The following FAM185A variants were observed in gnomAD, a reference collection of about 807,000 sequenced individuals.
FAM185A encodes the protein protein FAM185A.
Under a neutral mutation model 45.7 loss-of-function variants are expected in FAM185A, and 21 were observed. That is an observed-to-expected ratio of 0.46 (90% confidence interval 0.33 to 0.66). The LOEUF is 0.66. Among genes scored for constraint, FAM185A ranks in the 30% least tolerant of loss-of-function variants. FAM185A has a pLI of 0.03. For synonymous variants in FAM185A, 117 were observed against 194.0 expected, an observed-to-expected ratio of 0.60 and a Z score of 3.30; for missense variants, 305 against 485.4, an observed-to-expected ratio of 0.63 and a Z score of 3.49.
At chr7:102,833,770 T>G in the FAM185A span, among the ~76,000 whole-genome samples, 1 of 151,944 alleles carries the variant, frequency 6.6e-6, no homozygotes, top group African/African-American at 2.4e-5. Flanking sequence ...TAGCATTGTT[T>G]TGAAATGCTG....
chr7:102,751,088 G>GT (rs1479310681), intron 1 of FAM185A, among the ~76,000 whole-genome samples: 2 of 152,032 alleles, frequency 1.3e-5, no homozygotes, highest in Non-Finnish European at 2.9e-5. Flanking sequence ...TAATGTTTTT[G>GT]TTTTTTTGTA....
intron 7 of FAM185A, among the ~76,000 whole-genome samples, chr7:102,788,346 G>A (rs1215481502): frequency 6.6e-6 from 1 of 152,124 alleles, no homozygotes; most frequent in African/African-American, 2.4e-5. Flanking sequence ...TGGCATCAAG[G>A]AGGACATTGC....
At chr7:102,842,460 A>G in the FAM185A span, among the ~76,000 whole-genome samples, 3 of 152,266 alleles carry the variant, frequency 2.0e-5, no homozygotes, top group Non-Finnish European at 4.4e-5. Context: ...ACTTTGGTTG[A>G]GCACCAGGGG....
intron 2 of FAM185A, among the ~76,000 whole-genome samples, chr7:102,757,414 C>T (rs1332773134): frequency 1.3e-5 from 2 of 152,126 alleles, no homozygotes; most frequent in African/African-American, 2.4e-5. Flanking sequence ...TCTGGTTTGT[C>T]GTGAGGATTA....
chr7:102,811,601 G>C (rs1797441028), downstream of FAM185A, among the ~76,000 whole-genome samples: 1 of 152,178 alleles, frequency 6.6e-6, no homozygotes. Context: ...GAACATAACA[G>C]GGTGTGTTTC....
At chr7:102,763,088 A>C (rs1794201306) in intron 4 of FAM185A, among the ~76,000 whole-genome samples, 1 of 144,676 alleles carries the variant, frequency 6.9e-6, no homozygotes, top group Non-Finnish European at 1.5e-5. Flanking sequence ...GTTTACACTA[A>C]ATTCATAATG....
At chr7:102,790,140 A>G (rs1406727918) in intron 7 of FAM185A, among the ~76,000 whole-genome samples, 1 of 152,206 alleles carries the variant, frequency 6.6e-6, no homozygotes, top group Non-Finnish European at 1.5e-5. Flanking sequence ...TAGTAAATAC[A>G]TAAATCAGTA....
At chr7:102,821,646 G>A in the FAM185A span, among the ~76,000 whole-genome samples, 1 of 152,182 alleles carries the variant, frequency 6.6e-6, no homozygotes, top group Admixed American at 6.5e-5. Context: ...TATCAGGTCA[G>A]TTAAAATACT....
At chr7:102,830,863 A>G in the FAM185A span, among the ~76,000 whole-genome samples, 4 of 152,238 alleles carry the variant, frequency 2.6e-5, no homozygotes, top group South Asian at 8.3e-4. Flanking sequence ...ATATTTTGCT[A>G]ACTCCAAGTT....
chr7:102,827,361 A>G, the FAM185A span, among the ~76,000 whole-genome samples: 4 of 152,176 alleles, frequency 2.6e-5, no homozygotes, highest in African/African-American at 7.2e-5. Context: ...AGAACCACAC[A>G]GCCAAAACCA....
intron 6 of FAM185A, among the ~76,000 whole-genome samples, chr7:102,784,244 C>T (rs891189450): frequency 3.3e-5 from 5 of 151,704 alleles, no homozygotes; most frequent in Admixed American, 1.3e-4. Flanking sequence ...CAGCCGAATT[C>T]TACCAGAGGT....
intron 7 of FAM185A, among the ~76,000 whole-genome samples, chr7:102,789,010 A>T (rs1221393413): frequency 6.6e-6 from 1 of 152,214 alleles, no homozygotes; most frequent in Non-Finnish European, 1.5e-5. Flanking sequence ...TGGTGAGTGC[A>T]TGTGAAGGCC....
chr7:102,763,896 C>T (rs561488917), intron 4 of FAM185A, among the ~76,000 whole-genome samples: 2 of 152,284 alleles, frequency 1.3e-5, no homozygotes, highest in Admixed American at 6.5e-5. Context: ...TGAAACCTGT[C>T]GTTAAAGAAT....
At chr7:102,802,855 A>G (rs899893131) in intron 7 of FAM185A, among the ~76,000 whole-genome samples, 4 of 152,192 alleles carry the variant, frequency 2.6e-5, no homozygotes, top group Admixed American at 1.3e-4. Context: ...CTCAATAAGA[A>G]ACAAAATGGG....
intron 7 of FAM185A, among the ~76,000 whole-genome samples, chr7:102,806,862 A>G (rs1418504918): frequency 6.6e-6 from 1 of 152,074 alleles, no homozygotes; most frequent in Non-Finnish European, 1.5e-5. Context: ...AGTGGAGGAG[A>G]CTGAGCTTCT....
chr7:102,803,330 A>G (rs1796904363), intron 7 of FAM185A, among the ~76,000 whole-genome samples: 1 of 152,182 alleles, frequency 6.6e-6, no homozygotes, highest in Admixed American at 6.5e-5. Flanking sequence ...AAGACAATCC[A>G]CCATGATCAA....
chr7:102,836,233 T>TCATGGTACCATTCTCATC, the FAM185A span, among the ~76,000 whole-genome samples: 1 of 152,212 alleles, frequency 6.6e-6, no homozygotes, highest in East Asian at 1.9e-4. Flanking sequence ...TATGATACAT[T>TCATGGTACCATTCTCATC]CATGGTACCA....
chr7:102,761,001 G>T (rs763122867), intron 3 of FAM185A, among the ~76,000 whole-genome samples: 7 of 152,158 alleles, frequency 4.6e-5, no homozygotes, highest in Non-Finnish European at 7.3e-5. Flanking sequence ...TCTAATAAAA[G>T]ATTAAGAATT....
the FAM185A span, chr7:102,827,228 G>C: frequency 4.6e-6 from 2 of 433,270 alleles, no homozygotes; most frequent in South Asian, 3.2e-5. Flanking sequence ...GAGACCGCAT[G>C]AAGCAGGAGG....
Sources: allele counts gnomAD v4.1 joint callset (sites outside exome capture counted in the v4.1 genomes callset), GRCh38; gene constraint gnomAD v4.1.1; transcripts MANE v1.5; gene names NCBI Gene and HGNC (gene_info 2026-07-23, HGNC 2026-07-21).